Variants in EYS observed in about 807,000 individuals in gnomAD.
The protein encoded by EYS is protein eyes shut homolog.
In EYS, 250 loss-of-function variants were observed where a neutral mutation model predicts 282.1. The observed-to-expected ratio is 0.89, with a 90% confidence interval of 0.80 to 0.98. EYS has a LOEUF of 0.98. Ranked by LOEUF, EYS falls within the 50% of genes least tolerant of loss-of-function variation. The probability of loss-of-function intolerance (pLI) is 0.00; values close to 1 mark genes in which losing one functional copy is unlikely to be tolerated. For synonymous variants in EYS, 1,355 were observed against 1,282.9 expected (o/e 1.06, Z -1.20); for missense variants, 4,016 against 3,709.0 (o/e 1.08, Z -2.15).
rs1766986040 is a variant in EYS at position 65,633,391 on chromosome 6, TG to T, written c.-333+6386del. ...TACAGAATGCATTTTGTGCCAAGTC[TG>T]AAGTACCACATACTTGTGAATACCA... is the stretch of plus-strand genomic sequence containing the variant. On this transcript the variant is annotated intron_variant, in intron 2 of 42. Transcript: ENST00000503581. Among the ~76,000 whole-genome samples the T allele has an allele frequency of 1.3e-5, 2 of 152,242 alleles. 1 individual carries two copies. The highest frequency in any genetic ancestry group is 4.1e-4 in the South Asian group (2 of 4,836).
intron 22 of EYS, among the ~76,000 whole-genome samples, chr6:64,773,167 G>A (rs1483071874): frequency 1.3e-5 from 2 of 151,544 alleles, no homozygotes; most frequent in Non-Finnish European, 3.0e-5. Flanking sequence ...GGTGTCTGTT[G>A]GTTCCTTCTT....
At chr6:64,652,419 A>C (rs1768595798) in intron 22 of EYS, among the ~76,000 whole-genome samples, 1 of 152,186 alleles carries the variant, frequency 6.6e-6, no homozygotes, top group South Asian at 2.1e-4. Context: ...CGATGCATCT[A>C]AGAGCTGAAA....
At chr6:64,223,408 C>T (rs1766161139) in intron 31 of EYS, among the ~76,000 whole-genome samples, 1 of 151,926 alleles carries the variant, frequency 6.6e-6, no homozygotes, top group Admixed American at 6.6e-5. Flanking sequence ...TAATTTGGTA[C>T]AATTGAGGTC....
intron 26 of EYS, among the ~76,000 whole-genome samples, chr6:64,549,734 T>G (rs1765005060): frequency 6.9e-5 from 1 of 14,422 alleles, no homozygotes; most frequent in African/African-American, 4.1e-4. Flanking sequence ...ACATGAAATC[T>G]TTTTTTTTTT....
At chr6:64,716,651 G>A (rs985893317) in intron 22 of EYS, among the ~76,000 whole-genome samples, 1 of 152,308 alleles carries the variant, frequency 6.6e-6, no homozygotes, top group Non-Finnish European at 1.5e-5. Context: ...TTCACCAATA[G>A]TGAAGAGCTT....
intron 26 of EYS, among the ~76,000 whole-genome samples, chr6:64,481,555 A>C (rs180909924): frequency 6.8e-4 from 103 of 151,604 alleles, no homozygotes; most frequent in Admixed American, 4.0e-3. Flanking sequence ...TACTTAAAGA[A>C]AACCTCTTTT....
chr6:64,527,155 A>G (rs986025217), intron 26 of EYS, among the ~76,000 whole-genome samples: 2 of 151,890 alleles, frequency 1.3e-5, no homozygotes, highest in African/African-American at 4.8e-5. Context: ...AAAGCTAAAT[A>G]TAGAGATTTA....
chr6:65,117,383 A>G (rs1775405587), intron 12 of EYS, among the ~76,000 whole-genome samples: 1 of 152,212 alleles, frequency 6.6e-6, no homozygotes, highest in Admixed American at 6.5e-5. Context: ...GCTGTCATAG[A>G]CATAAAGGGA....
At chr6:65,190,884 T>C (rs1765625964) in intron 12 of EYS, among the ~76,000 whole-genome samples, 1 of 151,842 alleles carries the variant, frequency 6.6e-6, no homozygotes, top group Non-Finnish European at 1.5e-5. Flanking sequence ...GGGTTATTAC[T>C]AATACAAAAA....
At chr6:63,953,901 G>A (rs1034108732) in intron 35 of EYS, among the ~76,000 whole-genome samples, 3 of 152,124 alleles carry the variant, frequency 2.0e-5, no homozygotes, top group Admixed American at 6.6e-5. Context: ...GTCTGTGTGT[G>A]GTGGCTGCCA....
intron 12 of EYS, among the ~76,000 whole-genome samples, chr6:65,274,964 G>C (rs946943986): frequency 6.6e-6 from 1 of 151,856 alleles, no homozygotes; most frequent in African/African-American, 2.4e-5. Context: ...TTAGATTTTA[G>C]AGCTAAAATA....
chr6:65,493,538 C>T (rs1766125006), intron 4 of EYS, among the ~76,000 whole-genome samples: 1 of 152,140 alleles, frequency 6.6e-6, no homozygotes, highest in Non-Finnish European at 1.5e-5. Context: ...CACAAGTTTC[C>T]AAGCTTTAAA....
At chr6:63,815,666 T>C (rs776467813) in intron 36 of EYS, among the ~76,000 whole-genome samples, 2 of 152,176 alleles carry the variant, frequency 1.3e-5, no homozygotes, top group African/African-American at 2.4e-5. Flanking sequence ...TACCAATGAA[T>C]TTATCAGCAA....
At chr6:64,689,522 A>T (rs1237355875) in intron 22 of EYS, among the ~76,000 whole-genome samples, 2 of 152,174 alleles carry the variant, frequency 1.3e-5, no homozygotes, top group Non-Finnish European at 2.9e-5. Context: ...TTGCCAAGAC[A>T]ATCCTAAGCC....
intron 22 of EYS, among the ~76,000 whole-genome samples, chr6:64,759,938 C>T (rs1389455038): frequency 6.6e-6 from 1 of 152,122 alleles, no homozygotes; most frequent in African/African-American, 2.4e-5. Context: ...AATATTTAAA[C>T]CTTTGTACAA....
intron 24 of EYS, among the ~76,000 whole-genome samples, chr6:64,600,047 T>C (rs568111557): frequency 3.6e-4 from 55 of 152,262 alleles, no homozygotes; most frequent in Non-Finnish European, 6.9e-4. Flanking sequence ...CATTTGAAGA[T>C]AAAATGTTGT....
At chr6:64,357,037 G>T (rs1771845949) in intron 29 of EYS, among the ~76,000 whole-genome samples, 1 of 151,602 alleles carries the variant, frequency 6.6e-6, no homozygotes. Context: ...ACTTGAATTA[G>T]TCAACATCTA....
intron 9 of EYS, among the ~76,000 whole-genome samples, chr6:65,346,753 A>G (rs1275049289): frequency 6.6e-6 from 1 of 151,864 alleles, no homozygotes; most frequent in Non-Finnish European, 1.5e-5. Flanking sequence ...AGAGACAACA[A>G]GAACATACTA....
intron 35 of EYS, among the ~76,000 whole-genome samples, chr6:63,908,031 T>TATATATATATATAC (rs1491523191): frequency 2.4e-4 from 12 of 50,216 alleles, no homozygotes; most frequent in African/African-American, 1.1e-3. Flanking sequence ...TATATATATA[T>TATATATATATATAC]ACGTTTGTGT....
Sources: allele counts gnomAD v4.1 joint callset (sites outside exome capture counted in the v4.1 genomes callset), GRCh38; gene constraint gnomAD v4.1.1; transcripts MANE v1.5; gene names NCBI Gene and HGNC (gene_info 2026-07-23, HGNC 2026-07-21).